Variants in HIVEP3 observed in about 807,000 individuals in gnomAD.
HIVEP3 encodes the protein HIVEP zinc finger 3, also known as transcription factor HIVEP3.
In HIVEP3, 49 loss-of-function variants were observed where a neutral mutation model predicts 152.8. The observed-to-expected ratio is 0.32, with a 90% CI of 0.26 to 0.41. The LOEUF is 0.41. HIVEP3 is among the 10% of genes least tolerant of loss of function. HIVEP3 has a pLI of 1.00. For synonymous variants in HIVEP3, 1,269 were observed against 1,289.0 expected (o/e 0.98, Z 0.33); for missense variants, 2,790 against 3,103.3 (o/e 0.90, Z 2.40).
rs576756490 is a variant in HIVEP3 at position 41,750,512 on chromosome 1, G to C, written c.-800-49517C>G. On this transcript the variant is annotated intron_variant, in intron 1 of 8. Coordinates refer to ENST00000372583, the MANE Select transcript of HIVEP3 (RefSeq NM_024503.5). ...ATTCTGCAGGTCTGGGCTGGGGCTG[G>C]GCCTTGGCATTTCCAGGTTCCAAGG... is the stretch of plus-strand genomic sequence containing the variant. Among the ~76,000 whole-genome samples, 4 of 152,248 alleles carry C rather than the reference G, an allele frequency of 2.6e-5. No individual in the cohort carries two copies. The South Asian group carries it at 8.3e-4, about 32-fold the overall frequency.
In HIVEP3 at chr1:41,584,213, C is replaced by G. The variant is rs1175094804; in HGVS notation, c.585G>C (p.Gln195His). 1 of 1,614,042 alleles carries G rather than the reference C, an allele frequency of 6.2e-7. No homozygotes were observed. Among genetic ancestry groups the G allele is most frequent in the Non-Finnish European group, 8.5e-7 (1 of 1,180,030 alleles). Residue 195 changes from glutamine (Q) to histidine (H), a missense_variant, in exon 4 of 9, where the codon CAG (glutamine) becomes CAC (histidine). Gln to His is a conservative substitution (Grantham distance 24, BLOSUM62 0). This residue lies in a region of HIVEP3 where 25 missense variants were observed against 75.9 expected (regional missense o/e 0.33). Transcript: ENST00000372583. The surrounding 1 kb of genome is among the most constrained non-coding windows in gnomAD (Gnocchi z 5.2). The stretch of plus-strand genomic sequence containing the variant: ...GCTTGGCACAGGGCCGGCTGCAGTA[C>G]TGGCAGATGTACTTGCCTGGCTTCT... The part of the protein sequence containing the change: ...KPQKPGKYIC[Q>H]YCSRPCAKPS...
rs1353563637 is a variant in HIVEP3 at position 41,662,305 on chromosome 1, C to A, written c.-720-33358G>T. The A allele has an allele frequency of 1.4e-5, 2 of 145,604 alleles. No homozygotes were observed. The highest frequency in any genetic ancestry group is 1.4e-4 in the Admixed American group (2 of 14,686). 9.0% of individuals were successfully genotyped at this position (145,604 alleles called of 1,614,324 possible). ...AGGCGCTCGCTGGCGGCCCACGCGG[C>A]GCGGGGTGGGCGCGGGGCGGGCTGG... On this transcript the variant is annotated intron_variant, in intron 2 of 8. Transcript: ENST00000372583. The surrounding 1 kb of genome is among the most constrained non-coding windows in gnomAD (Gnocchi z 7.2).
At chr1:41,865,922 T>A (rs1234252583) in intron 1 of HIVEP3, among the ~76,000 whole-genome samples, 1 of 152,062 alleles carries the variant, frequency 6.6e-6, no homozygotes, top group Non-Finnish European at 1.5e-5. Flanking sequence ...CATAAATAGG[T>A]CCCAAAGACT....
At chr1:41,696,622 C>A (rs1376121186) in intron 2 of HIVEP3, among the ~76,000 whole-genome samples, 2 of 152,236 alleles carry the variant, frequency 1.3e-5, no homozygotes, top group East Asian at 3.9e-4. Context: ...GGCAGATGGG[C>A]ACCAAACAGC....
intron 1 of HIVEP3, among the ~76,000 whole-genome samples, chr1:41,833,958 C>A (rs185488754): frequency 6.6e-6 from 1 of 152,150 alleles, no homozygotes; most frequent in South Asian, 2.1e-4. Flanking sequence ...GACTTGACCA[C>A]CTGGTGTGAC....
chr1:41,715,470 C>T (rs1646577597), intron 1 of HIVEP3, among the ~76,000 whole-genome samples: 1 of 152,134 alleles, frequency 6.6e-6, no homozygotes, highest in African/African-American at 2.4e-5. Flanking sequence ...TGGGGGTCCT[C>T]ACGCACCAGC....
chr1:41,721,982 T>G (rs1646680139), intron 1 of HIVEP3, among the ~76,000 whole-genome samples: 1 of 152,208 alleles, frequency 6.6e-6, no homozygotes, highest in Non-Finnish European at 1.5e-5. Context: ...AGACTCTCAA[T>G]GATGAAGCTC....
At chr1:41,845,296 G>C (rs1460734217) in intron 1 of HIVEP3, among the ~76,000 whole-genome samples, 1 of 151,966 alleles carries the variant, frequency 6.6e-6, no homozygotes, top group Non-Finnish European at 1.5e-5. Context: ...GTCTACAATA[G>C]TGTCTGACAC....
intron 1 of HIVEP3, among the ~76,000 whole-genome samples, chr1:41,758,647 T>C (rs573929972): frequency 6.6e-5 from 10 of 152,360 alleles, no homozygotes; most frequent in African/African-American, 1.7e-4. Flanking sequence ...TACAAATTCC[T>C]TGGGTGATTG....
chr1:41,814,328 G>A (rs1383104248), intron 1 of HIVEP3, among the ~76,000 whole-genome samples: 1 of 152,116 alleles, frequency 6.6e-6, no homozygotes, highest in African/African-American at 2.4e-5. Context: ...GGTCACGTGG[G>A]GACAGTTCTT....
chr1:41,849,000 C>T (rs994241206), intron 1 of HIVEP3: 5 of 152,298 alleles, frequency 3.3e-5, no homozygotes, highest in Admixed American at 1.3e-4. Context: ...TTCAGAACCT[C>T]CTTTCTTCCC....
intron 2 of HIVEP3, among the ~76,000 whole-genome samples, chr1:41,649,569 A>G (rs565405169): frequency 7.9e-4 from 121 of 152,254 alleles, no homozygotes; most frequent in Non-Finnish European, 1.4e-3. Context: ...TACATTTCCT[A>G]TGAAATCTAA....
chr1:41,734,423 G>A (rs926752532), intron 1 of HIVEP3, among the ~76,000 whole-genome samples: 14 of 152,200 alleles, frequency 9.2e-5, no homozygotes, highest in Non-Finnish European at 1.6e-4. Context: ...GGACTAACTC[G>A]GCAAATGTTT....
At chr1:41,762,098 C>A (rs1003881844) in intron 1 of HIVEP3, among the ~76,000 whole-genome samples, 2 of 152,098 alleles carry the variant, frequency 1.3e-5, no homozygotes, top group African/African-American at 4.8e-5. Flanking sequence ...TTTGTTTTAG[C>A]CTTTTTTGCA....
intron 1 of HIVEP3, among the ~76,000 whole-genome samples, chr1:42,023,198 G>A (rs1489085207): frequency 6.6e-6 from 1 of 151,888 alleles, no homozygotes; most frequent in Non-Finnish European, 1.5e-5. Flanking sequence ...GTAGAGACAG[G>A]GTTTCACCAT....
Position 41,662,799 on chromosome 1 carries a change from C to A in HIVEP3, c.-720-33852G>T, listed in dbSNP as rs370274366. 3.9e-5 allele frequency among the ~76,000 whole-genome samples: 6 copies of A among 152,098 alleles called. No individual in the cohort carries two copies. In the East Asian group the frequency reaches 9.7e-4, roughly 25 times the overall value. ...AAGCCCCTGTCGCCGCCGCCGGGGC[C>A]CTGCCACTCTGCGCCACGCCTTGGT... is the stretch of plus-strand genomic sequence containing the variant. On this transcript the variant is annotated intron_variant, in intron 2 of 8. Transcript: ENST00000372583. This position sits in a 1 kb window ranked among gnomAD's most constrained non-coding sequence, Gnocchi z 7.2.
rs545155998 is a variant in HIVEP3 at position 41,625,996 on chromosome 1, A to T, written c.-522+2753T>A. Among the ~76,000 whole-genome samples the T allele has an allele frequency of 1.1e-4, 17 of 152,366 alleles. No homozygotes were observed. In the South Asian group the frequency reaches 3.5e-3, roughly 32 times the overall value. On this transcript the variant is annotated intron_variant, in intron 3 of 8. Transcript: ENST00000372583. ...TGCTCAAGTTTCTCATTGCTGAGAAATTGCTTCCATATCCATTTTCAAATG... is the reference window on the plus strand; with the variant it reads ...TGCTCAAGTTTCTCATTGCTGAGAATTTGCTTCCATATCCATTTTCAAATG...
chr1:41,937,693 T>C (rs1645026503), intron 1 of HIVEP3, among the ~76,000 whole-genome samples: 1 of 152,210 alleles, frequency 6.6e-6, no homozygotes, highest in Non-Finnish European at 1.5e-5. Flanking sequence ...TCTAAAACAT[T>C]GAACCATTGG....
At chr1:41,919,399 C>T (rs1266597104), upstream of HIVEP3, among the ~76,000 whole-genome samples, 2 of 152,202 alleles carry the variant, frequency 1.3e-5, no homozygotes, top group Admixed American at 1.3e-4. Flanking sequence ...GAGCTCAACA[C>T]GGGCACTCCT....
Sources: allele counts gnomAD v4.1 joint callset (sites outside exome capture counted in the v4.1 genomes callset), GRCh38; gene constraint gnomAD v4.1.1; regional missense constraint gnomAD v4.1.1; non-coding constraint Gnocchi (gnomAD v3.1); transcripts MANE v1.5; gene names NCBI Gene and HGNC (gene_info 2026-07-23, HGNC 2026-07-21).